Variants in HSP90AA1 observed in about 807,000 individuals in gnomAD.
HSP90AA1 encodes heat shock protein HSP 90-alpha.
A neutral mutation model predicts 73.3 loss-of-function variants in HSP90AA1; 18 were observed. The ratio of observed to expected loss-of-function variants is 0.25; its 90% CI spans 0.17 to 0.36. HSP90AA1 has a LOEUF of 0.36. Ranked by LOEUF, HSP90AA1 falls within the 10% of genes least tolerant of loss-of-function variation. The pLI, the probability that HSP90AA1 is intolerant of heterozygous loss-of-function variation, is 1.00. For synonymous variants in HSP90AA1, 477 were observed against 296.9 expected (o/e 1.61, Z -6.24); for missense variants, 704 against 874.2 (o/e 0.81, Z 2.45).
chr14:102,082,723 C>T (rs1033135649), intron 9 of HSP90AA1: 9 of 506,042 alleles, frequency 1.8e-5, no homozygotes, highest in East Asian at 1.5e-4. Flanking sequence ...TGGGTTCAGG[C>T]GATTCTCCTG....
chr14:102,107,432 A>C (rs1361446116), intron 1 of HSP90AA1, among the ~76,000 whole-genome samples: 3 of 151,774 alleles, frequency 2.0e-5, no homozygotes, highest in Non-Finnish European at 4.4e-5. Context: ...TCAAGCAATT[A>C]TCCTGCCTCA....
chr14:102,101,971 T>G (rs1158020064), exon 2 of HSP90AA1: 1 of 1,614,148 alleles, frequency 6.2e-7, no homozygotes. Flanking sequence ...TGACAGGGAA[T>G]GCAGAGACGT....
At chr14:102,127,575 G>A (rs553270168) in intron 1 of HSP90AA1, among the ~76,000 whole-genome samples, 3 of 152,256 alleles carry the variant, frequency 2.0e-5, no homozygotes, top group African/African-American at 7.2e-5. Context: ...TGAGGGGGTA[G>A]GAGACAGCTG....
chr14:102,112,681 A>G (rs1282266645), intron 1 of HSP90AA1, among the ~76,000 whole-genome samples: 1 of 151,224 alleles, frequency 6.6e-6, no homozygotes, highest in Non-Finnish European at 1.5e-5. Flanking sequence ...AGGTCTCACT[A>G]TGTTGCCCAA....
At chr14:102,114,846 A>C (rs1384300593) in intron 1 of HSP90AA1, among the ~76,000 whole-genome samples, 1 of 151,964 alleles carries the variant, frequency 6.6e-6, no homozygotes, top group Non-Finnish European at 1.5e-5. Flanking sequence ...CTAGAACTAA[A>C]AAAATTGGCC....
At chr14:102,091,305 G>A (rs969102259), upstream of HSP90AA1, among the ~76,000 whole-genome samples, 2 of 152,038 alleles carry the variant, frequency 1.3e-5, no homozygotes, top group African/African-American at 2.4e-5. Flanking sequence ...CCCAGGTCTG[G>A]CTCATGATTT....
At chr14:102,102,842 C>G (rs1359019818) in intron 1 of HSP90AA1, among the ~76,000 whole-genome samples, 1 of 151,960 alleles carries the variant, frequency 6.6e-6, no homozygotes, top group Non-Finnish European at 1.5e-5. Context: ...TTGAGCCTAG[C>G]CTGGGCAACA....
chr14:102,139,227 G>A, intron 1 of HSP90AA1: 1 of 1,613,788 alleles, frequency 6.2e-7, no homozygotes, highest in Non-Finnish European at 8.5e-7. Context: ...ATAGTGAAGC[G>A]TAAATCTTGA....
chr14:102,088,384 C>T (rs144250673), upstream of HSP90AA1, among the ~76,000 whole-genome samples: 1 of 152,148 alleles, frequency 6.6e-6, no homozygotes, highest in Non-Finnish European at 1.5e-5. Flanking sequence ...AGCTCCTTGC[C>T]GTGTAAAGAA....
intron 1 of HSP90AA1, among the ~76,000 whole-genome samples, chr14:102,119,809 T>C (rs2049753487): frequency 6.6e-6 from 1 of 152,136 alleles, no homozygotes; most frequent in Non-Finnish European, 1.5e-5. Flanking sequence ...TTTATGCATT[T>C]TGAAGACTAG....
intron 1 of HSP90AA1, among the ~76,000 whole-genome samples, chr14:102,134,352 C>T (rs28573256): frequency 0.027 from 3,885 of 143,772 alleles, 141 homozygotes; most frequent in African/African-American, 0.081. Flanking sequence ...AAAAGGATGA[C>T]AGTAGAAACG....
intron 1 of HSP90AA1, among the ~76,000 whole-genome samples, chr14:102,132,942 AG>A (rs955061997): frequency 6.7e-6 from 1 of 150,020 alleles, no homozygotes; most frequent in African/African-American, 2.5e-5. Context: ...CCTGGGCCAC[AG>A]GGCCAGACTC....
At chr14:102,104,267 C>T (rs1014334550) in intron 1 of HSP90AA1, among the ~76,000 whole-genome samples, 9 of 151,988 alleles carry the variant, frequency 5.9e-5, no homozygotes, top group Admixed American at 3.3e-4. Flanking sequence ...TGGAGTGCAA[C>T]GGCAAGATCT....
At chr14:102,113,905 T>C (rs2049674700) in intron 1 of HSP90AA1, among the ~76,000 whole-genome samples, 1 of 152,004 alleles carries the variant, frequency 6.6e-6, no homozygotes. Context: ...TGAGACGAGG[T>C]TTCACCATGT....
chr14:102,085,507 G>C (rs2049206574), intron 3 of HSP90AA1, 76 bp from the exon 4 acceptor site: 1 of 1,417,924 alleles, frequency 7.1e-7, no homozygotes, highest in Non-Finnish European at 9.9e-7. Context: ...CCCTTATAAC[G>C]TGTCTATAAA....
upstream of HSP90AA1, among the ~76,000 whole-genome samples, chr14:102,091,120 C>T (rs976528664): frequency 1.3e-5 from 2 of 152,168 alleles, no homozygotes; most frequent in Non-Finnish European, 2.9e-5. Flanking sequence ...GCAATTTATG[C>T]CCCCTCACTT....
At chr14:102,122,241 C>A (rs530192916) in intron 1 of HSP90AA1, among the ~76,000 whole-genome samples, 1 of 148,700 alleles carries the variant, frequency 6.7e-6, no homozygotes, top group South Asian at 2.1e-4. Context: ...GGGTCTAATT[C>A]TGTACTTATT....
At chr14:102,128,790 C>A (rs2049869236) in intron 1 of HSP90AA1, among the ~76,000 whole-genome samples, 1 of 151,920 alleles carries the variant, frequency 6.6e-6, no homozygotes, top group Non-Finnish European at 1.5e-5. Flanking sequence ...CATATAGCGA[C>A]ACTCCATCTT....
chr14:102,136,567 CAAAAAAAAAAAAA>C (rs1165638280), intron 1 of HSP90AA1, among the ~76,000 whole-genome samples: 31 of 53,238 alleles, frequency 5.8e-4, no homozygotes, highest in Non-Finnish European at 8.6e-4. Context: ...AGACTCGTCT[CAAAAAAAAAAAAA>C]AAAAAAAAAA....
Sources: gnomAD v4.1 joint callset for allele counts (sites outside exome capture counted in the v4.1 genomes callset) on GRCh38, gnomAD v4.1.1 for gene constraint, MANE v1.5 for transcripts, NCBI Gene and HGNC (gene_info 2026-07-23, HGNC 2026-07-21) for gene names.